The following PAN3 variants were observed in gnomAD, a reference collection of about 807,000 sequenced individuals.
PAN3 encodes the protein PAN2-PAN3 deadenylation complex subunit PAN3.
In PAN3, 19 loss-of-function variants were observed where a neutral mutation model predicts 96.2. The ratio of observed to expected loss-of-function variants is 0.20; its 90% CI spans 0.14 to 0.29. PAN3 has a LOEUF of 0.29. PAN3 is among the 10% of genes least tolerant of loss of function. PAN3 has a pLI of 1.00. For missense variants in PAN3, 882 were observed against 1,108.1 expected (o/e 0.80, Z 2.90); for synonymous variants, 433 against 406.6 (o/e 1.06, Z -0.78).
chr13:28,147,022 A>G (rs1448126981), intron 1 of PAN3, among the ~76,000 whole-genome samples: 1 of 152,144 alleles, frequency 6.6e-6, no homozygotes. Context: ...AGGTACAGTA[A>G]AAATATAGTG....
chr13:28,248,520 CT>C (rs60546953), intron 6 of PAN3, among the ~76,000 whole-genome samples: 149,809 of 150,728 alleles, frequency 0.99, 74,453 homozygotes, highest in East Asian at 1. Context: ...AGGAAAGGCT[CT>C]TTTTTTTTTC....
At chr13:28,189,550 T>A (rs907154183) in intron 4 of PAN3, among the ~76,000 whole-genome samples, 1 of 151,322 alleles carries the variant, frequency 6.6e-6, no homozygotes, top group African/African-American at 2.4e-5. Context: ...AAAAAAACTC[T>A]CAGTGTTAAG....
At chr13:28,220,103 A>G (rs1350600835) in intron 5 of PAN3, 128 bp from the exon 6 acceptor site, 1 of 910,700 alleles carries the variant, frequency 1.1e-6, no homozygotes, top group Non-Finnish European at 1.6e-6. Flanking sequence ...TGGAACCGAA[A>G]ACACTTGTTA....
chr13:28,165,283 C>CTTTTTTTTTTTT (rs35652829), intron 1 of PAN3, among the ~76,000 whole-genome samples: 1 of 129,428 alleles, frequency 7.7e-6, no homozygotes, highest in Non-Finnish European at 1.6e-5. Flanking sequence ...CTTATATATC[C>CTTTTTTTTTTTT]TTTTTTTTTT....
At chr13:28,203,371 A>G (rs1878968877) in intron 5 of PAN3, among the ~76,000 whole-genome samples, 2 of 151,872 alleles carry the variant, frequency 1.3e-5, no homozygotes. Context: ...TGGTATCGTC[A>G]TGGCCCACTG....
At chr13:28,279,041 A>G (rs1334479673) in intron 15 of PAN3, among the ~76,000 whole-genome samples, 1 of 151,938 alleles carries the variant, frequency 6.6e-6, no homozygotes, top group Non-Finnish European at 1.5e-5. Context: ...TAGTGATAAG[A>G]CCTATGAAGA....
At chr13:28,209,186 G>GAATCATGGGA (rs1879738823) in intron 5 of PAN3, among the ~76,000 whole-genome samples, 1 of 152,122 alleles carries the variant, frequency 6.6e-6, no homozygotes, top group Admixed American at 6.5e-5. Flanking sequence ...GGAATCTGCA[G>GAATCATGGGA]ATTCAGAACC....
chr13:28,177,847 AC>A lies in PAN3; in HGVS notation c.620-17del, dbSNP rs1382354045. The A allele has an allele frequency of 1.2e-6, 2 of 1,605,950 alleles. No individual in the cohort carries two copies. Among genetic ancestry groups the A allele is most frequent in the Non-Finnish European group, 1.7e-6 (2 of 1,173,176 alleles). ...ACCCAAGTTTTATGTGTGGAAACTT[AC>A]GTAACTTACCTTTCAGATCCTCTAA... On this transcript the variant is annotated splice_polypyrimidine_tract_variant and intron_variant, in intron 3 of 18. Coordinates refer to ENST00000380958, the MANE Select transcript of PAN3 (RefSeq NM_175854.8).
intron 6 of PAN3, among the ~76,000 whole-genome samples, chr13:28,242,671 G>A (rs1883790981): frequency 1.3e-5 from 2 of 152,168 alleles, no homozygotes; most frequent in South Asian, 4.1e-4. Flanking sequence ...ATGAGAGGAA[G>A]GAGAAGCTTT....
intron 5 of PAN3, among the ~76,000 whole-genome samples, chr13:28,200,659 A>G (rs1343339255): frequency 6.6e-6 from 1 of 152,246 alleles, no homozygotes; most frequent in East Asian, 1.9e-4. Flanking sequence ...ACAGTGATAC[A>G]TTTGAAAAAT....
intron 1 of PAN3, among the ~76,000 whole-genome samples, chr13:28,157,923 C>A (rs767186813): frequency 6.6e-6 from 1 of 152,206 alleles, no homozygotes; most frequent in African/African-American, 2.4e-5. Context: ...AAGAGCAAAG[C>A]ATCACATTAC....
At chr13:28,286,750 A>G (rs1314085338) in intron 17 of PAN3, among the ~76,000 whole-genome samples, 4 of 152,114 alleles carry the variant, frequency 2.6e-5, no homozygotes, top group Admixed American at 6.5e-5. Context: ...TGGGCTGTTG[A>G]AAGGGAGCAG....
intron 4 of PAN3, among the ~76,000 whole-genome samples, chr13:28,182,165 A>G (rs1036482522): frequency 2.0e-5 from 3 of 152,250 alleles, no homozygotes; most frequent in African/African-American, 7.2e-5. Flanking sequence ...GATATTCATA[A>G]ATGAAGTGAT....
intron 14 of PAN3, among the ~76,000 whole-genome samples, chr13:28,275,948 G>A (rs1887021230): frequency 6.6e-6 from 1 of 152,102 alleles, no homozygotes; most frequent in African/African-American, 2.4e-5. Flanking sequence ...ACTTTTAAAT[G>A]TTATTTTAGT....
chr13:28,268,315 T>C (rs1376487922), intron 12 of PAN3, among the ~76,000 whole-genome samples: 1 of 152,160 alleles, frequency 6.6e-6, no homozygotes, highest in Non-Finnish European at 1.5e-5. Flanking sequence ...ATTTAATGAT[T>C]CCTATTATGA....
At chr13:28,246,853 C>T (rs769539862) in intron 6 of PAN3, among the ~76,000 whole-genome samples, 4 of 152,038 alleles carry the variant, frequency 2.6e-5, no homozygotes, top group Non-Finnish European at 5.9e-5. Context: ...CTCTGTATCT[C>T]GGCTATTGTG....
At chr13:28,275,648 T>C (rs1374207965) in intron 14 of PAN3, among the ~76,000 whole-genome samples, 1 of 152,198 alleles carries the variant, frequency 6.6e-6, no homozygotes, top group Non-Finnish European at 1.5e-5. Context: ...AATGTTTTAC[T>C]TGATCTAAAG....
chr13:28,209,226 T>C (rs1879745200), intron 5 of PAN3, among the ~76,000 whole-genome samples: 1 of 152,162 alleles, frequency 6.6e-6, no homozygotes, highest in Non-Finnish European at 1.5e-5. Flanking sequence ...CTGTATATAC[T>C]ATTGAAAAAA....
At chr13:28,221,134 T>G (rs1201259969) in intron 6 of PAN3, among the ~76,000 whole-genome samples, 1 of 152,172 alleles carries the variant, frequency 6.6e-6, no homozygotes, top group Non-Finnish European at 1.5e-5. Flanking sequence ...ATGTTTATTT[T>G]AGTATAAAAA....
Sources: gnomAD v4.1 joint callset for allele counts (sites outside exome capture counted in the v4.1 genomes callset) on GRCh38, gnomAD v4.1.1 for gene constraint, MANE v1.5 for transcripts, NCBI Gene and HGNC (gene_info 2026-07-23, HGNC 2026-07-21) for gene names.